The following GALNTL6 variants were observed in gnomAD, a reference collection of about 807,000 sequenced individuals.
GALNTL6 encodes polypeptide N-acetylgalactosaminyltransferase-like 6.
In GALNTL6, 46 loss-of-function variants were observed where a neutral mutation model predicts 73.7. The observed-to-expected ratio is 0.62, with a 90% confidence interval of 0.49 to 0.80. The LOEUF is 0.80. GALNTL6 is among the 30% of genes least tolerant of loss of function. The pLI is 0.00. For missense variants in GALNTL6, 604 were observed against 755.0 expected, an observed-to-expected ratio of 0.80 and a Z score of 2.34; for synonymous variants, 259 against 263.7, an observed-to-expected ratio of 0.98 and a Z score of 0.17.
chr4:172,354,573 A>C (rs992467470), intron 5 of GALNTL6, among the ~76,000 whole-genome samples: 1 of 152,108 alleles, frequency 6.6e-6, no homozygotes, highest in Non-Finnish European at 1.5e-5. Context: ...ATACCACAGT[A>C]ATGTGCAATC....
At chr4:172,487,790 C>T (rs1459502614) in intron 5 of GALNTL6, among the ~76,000 whole-genome samples, 1 of 152,088 alleles carries the variant, frequency 6.6e-6, no homozygotes. Context: ...AACAGAGAAC[C>T]TATGTAACAA....
intron 9 of GALNTL6, among the ~76,000 whole-genome samples, chr4:172,945,257 G>A (rs1045032627): frequency 1.3e-5 from 2 of 152,092 alleles, no homozygotes; most frequent in African/African-American, 4.8e-5. Flanking sequence ...GTGGTTGTCT[G>A]GGGACATAGA....
intron 5 of GALNTL6, among the ~76,000 whole-genome samples, chr4:172,635,636 C>A (rs182762146): frequency 6.0e-4 from 92 of 152,204 alleles, no homozygotes; most frequent in African/African-American, 1.7e-3. Context: ...TGCGAACTTT[C>A]TTCTCAAATG....
intron 5 of GALNTL6, among the ~76,000 whole-genome samples, chr4:172,657,749 T>A (rs1343728158): frequency 1.3e-5 from 2 of 151,312 alleles, no homozygotes; most frequent in African/African-American, 4.9e-5. Flanking sequence ...AAGGAAAGAG[T>A]GTGAGGGAAA....
rs189305108 is a variant in GALNTL6 at position 171,958,132 on chromosome 4, C to G, written c.138+143414C>G. 8.0e-4 allele frequency among the ~76,000 whole-genome samples: 122 copies of G among 152,280 alleles called. 1 individual carries two copies. The highest frequency in any genetic ancestry group is 2.7e-3 in the African/African-American group (111 of 41,562). Reference sequence around the variant, plus strand: ...TTTGAAACCTCTCACTGCTTTACCTCTTCCTAGTGATTACTGATATCCTTG... The same window carrying G: ...TTTGAAACCTCTCACTGCTTTACCTGTTCCTAGTGATTACTGATATCCTTG... On this transcript the variant is annotated intron_variant, in intron 2 of 12. Transcript: ENST00000506823.
At chr4:172,868,398 G>T (rs1744764922) in intron 7 of GALNTL6, among the ~76,000 whole-genome samples, 1 of 151,982 alleles carries the variant, frequency 6.6e-6, no homozygotes, top group South Asian at 2.1e-4. Flanking sequence ...TTAGAGAGAT[G>T]AAAAAGGATA....
chr4:172,627,424 G>A (rs1739210390), intron 5 of GALNTL6, among the ~76,000 whole-genome samples: 1 of 151,880 alleles, frequency 6.6e-6, no homozygotes, highest in Admixed American at 6.6e-5. Flanking sequence ...TTGCATTTAT[G>A]TTTATCGGGA....
At chr4:172,186,710 G>GA (rs1735426292) in intron 2 of GALNTL6, among the ~76,000 whole-genome samples, 1 of 152,020 alleles carries the variant, frequency 6.6e-6, no homozygotes, top group Non-Finnish European at 1.5e-5. Flanking sequence ...TCATTTATAT[G>GA]AAATATGAAC....
chr4:171,891,784 T>C (rs955188804), intron 2 of GALNTL6, among the ~76,000 whole-genome samples: 1 of 152,194 alleles, frequency 6.6e-6, no homozygotes, highest in Non-Finnish European at 1.5e-5. Flanking sequence ...AAATTTGAAT[T>C]TCAGTTAAAC....
chr4:172,340,376 C>G (rs139235451), intron 4 of GALNTL6, among the ~76,000 whole-genome samples: 4 of 152,072 alleles, frequency 2.6e-5, no homozygotes, highest in Non-Finnish European at 5.9e-5. Flanking sequence ...TTTTAATGTT[C>G]TGTTGAAGTT....
chr4:172,261,992 A>G (rs1019541993), intron 3 of GALNTL6, among the ~76,000 whole-genome samples: 2 of 151,292 alleles, frequency 1.3e-5, no homozygotes, highest in Non-Finnish European at 3.0e-5. Context: ...CTGAGAGAGT[A>G]CTTGATATAA....
At chr4:172,740,988 G>T (rs948339404) in intron 5 of GALNTL6, among the ~76,000 whole-genome samples, 14 of 152,078 alleles carry the variant, frequency 9.2e-5, no homozygotes, top group African/African-American at 3.1e-4. Context: ...GCTTGCAGGA[G>T]CCTACCCCTT....
At chr4:171,850,722 CAA>C (rs796540618) in intron 2 of GALNTL6, among the ~76,000 whole-genome samples, 3 of 152,216 alleles carry the variant, frequency 2.0e-5, no homozygotes, top group African/African-American at 7.2e-5. Flanking sequence ...AACTCCAAAA[CAA>C]AGAGGGTATA....
chr4:172,965,270 G>A (rs1320235949), intron 10 of GALNTL6, among the ~76,000 whole-genome samples: 2 of 152,136 alleles, frequency 1.3e-5, no homozygotes, highest in Non-Finnish European at 2.9e-5. Context: ...GGGCTATGAA[G>A]ACAAACCTAA....
intron 5 of GALNTL6, among the ~76,000 whole-genome samples, chr4:172,520,184 A>G (rs1427113017): frequency 2.0e-5 from 3 of 151,942 alleles, no homozygotes; most frequent in Non-Finnish European, 4.4e-5. Context: ...CCAATACTAA[A>G]GAAGTTAATG....
At chr4:172,824,041 G>T (rs965109753) in intron 7 of GALNTL6, among the ~76,000 whole-genome samples, 3 of 152,168 alleles carry the variant, frequency 2.0e-5, no homozygotes, top group Non-Finnish European at 2.9e-5. Flanking sequence ...GGAAGGGCCA[G>T]TGGGCTTGTT....
chr4:172,690,716 CAA>C (rs1476035019), intron 5 of GALNTL6, among the ~76,000 whole-genome samples: 1 of 152,150 alleles, frequency 6.6e-6, no homozygotes, highest in Non-Finnish European at 1.5e-5. Context: ...CCAATTAAAA[CAA>C]GAGAAAATAT....
intron 5 of GALNTL6, among the ~76,000 whole-genome samples, chr4:172,805,560 A>G (rs1055357086): frequency 1.4e-4 from 22 of 152,262 alleles, no homozygotes; most frequent in African/African-American, 4.1e-4. Context: ...TGTCTGGACC[A>G]TGGACCAAAA....
chr4:172,205,433 C>G (rs768909117), intron 2 of GALNTL6, among the ~76,000 whole-genome samples: 1 of 152,150 alleles, frequency 6.6e-6, no homozygotes, highest in East Asian at 1.9e-4. Flanking sequence ...GAGATATGAC[C>G]TTTTAGTGTC....
Sources: allele counts gnomAD v4.1 joint callset (sites outside exome capture counted in the v4.1 genomes callset), GRCh38; gene constraint gnomAD v4.1.1; transcripts MANE v1.5; gene names NCBI Gene and HGNC (gene_info 2026-07-23, HGNC 2026-07-21).